MCTP1: variants seen among roughly 807,000 people sequenced by gnomAD.
The protein encoded by MCTP1 is multiple C2 and transmembrane domain-containing protein 1.
MCTP1 carries 69 observed loss-of-function variants against 120.6 expected under a neutral mutation model. The ratio of observed to expected loss-of-function variants is 0.57; its 90% CI spans 0.47 to 0.70. The LOEUF (loss-of-function observed/expected upper bound fraction) is 0.70, where lower values mean the gene tolerates loss of function less well. MCTP1 is among the 30% of genes least tolerant of loss of function. The pLI is 0.00. For missense variants in MCTP1, 1,203 were observed against 1,248.8 expected (o/e 0.96, Z 0.55); for synonymous variants, 529 against 493.1 (o/e 1.07, Z -0.96).
chr5:94,926,225 C>G (rs1272221623), intron 6 of MCTP1, among the ~76,000 whole-genome samples: 1 of 152,124 alleles, frequency 6.6e-6, no homozygotes, highest in African/African-American at 2.4e-5. Context: ...ATAACACATA[C>G]TATTACAAAC....
At chr5:95,047,160 A>G (rs964736213) in intron 1 of MCTP1, among the ~76,000 whole-genome samples, 1 of 152,290 alleles carries the variant, frequency 6.6e-6, no homozygotes, top group Non-Finnish European at 1.5e-5. Flanking sequence ...CAACAAGCAC[A>G]TGAAAGTAGA....
chr5:95,206,460 A>G (rs1240833110), intron 1 of MCTP1, among the ~76,000 whole-genome samples: 1 of 152,086 alleles, frequency 6.6e-6, no homozygotes, highest in African/African-American at 2.4e-5. Context: ...CTGTTATAAG[A>G]AAAAAAATTA....
intron 7 of MCTP1, among the ~76,000 whole-genome samples, chr5:94,922,935 G>C (rs1245249406): frequency 1.4e-5 from 2 of 147,370 alleles, no homozygotes; most frequent in Non-Finnish European, 3.0e-5. Context: ...AGTGAAGGCA[G>C]CCAAACAGTA....
intron 3 of MCTP1, among the ~76,000 whole-genome samples, chr5:94,943,682 A>G (rs1372954603): frequency 2.6e-5 from 4 of 152,084 alleles, no homozygotes; most frequent in African/African-American, 9.7e-5. Context: ...CACATAGATG[A>G]TATGTGGTTA....
At chr5:94,729,649 A>G (rs1197110856) in intron 19 of MCTP1, among the ~76,000 whole-genome samples, 1 of 152,222 alleles carries the variant, frequency 6.6e-6, no homozygotes, top group Non-Finnish European at 1.5e-5. Flanking sequence ...GATAACAATG[A>G]TGGGAAGGAA....
At chr5:94,787,731 C>T (rs1483944262) in intron 18 of MCTP1, among the ~76,000 whole-genome samples, 1 of 152,104 alleles carries the variant, frequency 6.6e-6, no homozygotes, top group Non-Finnish European at 1.5e-5. Context: ...ATTCTCCTGC[C>T]TCAGCCTTCC....
chr5:94,813,310 A>T (rs2153073659), intron 17 of MCTP1, among the ~76,000 whole-genome samples: 1 of 152,344 alleles, frequency 6.6e-6, no homozygotes, highest in South Asian at 2.1e-4. Flanking sequence ...CAGGACAGAA[A>T]GCACTAAATG....
intron 2 of MCTP1, among the ~76,000 whole-genome samples, chr5:94,974,507 C>T (rs1014217939): frequency 6.6e-6 from 1 of 151,866 alleles, no homozygotes; most frequent in Admixed American, 6.6e-5. Context: ...TCTCATTGTG[C>T]CACTGTACTC....
chr5:94,824,194 C>T (rs1786377504), intron 17 of MCTP1, among the ~76,000 whole-genome samples: 1 of 152,112 alleles, frequency 6.6e-6, no homozygotes, highest in African/African-American at 2.4e-5. Flanking sequence ...TCATAAATAG[C>T]TCTTATTATT....
intron 1 of MCTP1, among the ~76,000 whole-genome samples, chr5:95,237,810 T>C (rs987830916): frequency 1.1e-4 from 16 of 152,162 alleles, no homozygotes; most frequent in African/African-American, 3.9e-4. Context: ...CTTGTAGAGA[T>C]TGGAATGGGC....
chr5:95,184,226 A>T (rs912192787), intron 1 of MCTP1, among the ~76,000 whole-genome samples: 1 of 152,194 alleles, frequency 6.6e-6, no homozygotes, highest in Non-Finnish European at 1.5e-5. Context: ...AAAGGTATAG[A>T]ATCTCCAACT....
chr5:94,812,305 T>G (rs1259870710), intron 17 of MCTP1, among the ~76,000 whole-genome samples: 1 of 152,146 alleles, frequency 6.6e-6, no homozygotes, highest in Non-Finnish European at 1.5e-5. Flanking sequence ...ATCTTTTAAA[T>G]TATTCACAAG....
chr5:95,161,413 T>A (rs764247284), intron 1 of MCTP1, among the ~76,000 whole-genome samples: 7 of 151,904 alleles, frequency 4.6e-5, no homozygotes, highest in Non-Finnish European at 7.4e-5. Context: ...AAGTAGAGAA[T>A]AGAATGGTAG....
chr5:94,997,589 C>T (rs1832855646), intron 2 of MCTP1, among the ~76,000 whole-genome samples: 1 of 152,172 alleles, frequency 6.6e-6, no homozygotes, highest in Admixed American at 6.6e-5. Context: ...GCATGTCAGT[C>T]ATGACTCTTT....
chr5:95,140,693 TAAAAAAAAAAAAAAAAAAAAA>T (rs35248317), intron 1 of MCTP1, among the ~76,000 whole-genome samples: 1 of 27,596 alleles, frequency 3.6e-5, no homozygotes, highest in Non-Finnish European at 7.1e-5. Flanking sequence ...CTGTCCCTAC[TAAAAAAAAAAAAAAAAAAAAA>T]AAAAAAAAAA....
intron 1 of MCTP1, among the ~76,000 whole-genome samples, chr5:95,075,746 C>G (rs1753382263): frequency 6.6e-6 from 1 of 152,176 alleles, no homozygotes. Flanking sequence ...GTTTCTACCC[C>G]TTAGAAAACT....
chr5:95,256,557 G>C (rs544114398), intron 1 of MCTP1, among the ~76,000 whole-genome samples: 10 of 152,314 alleles, frequency 6.6e-5, no homozygotes, highest in Non-Finnish European at 1.3e-4. Context: ...TAATAGTGAC[G>C]TCCTGCTGTT....
chr5:95,219,290 G>A (rs1277395725), intron 1 of MCTP1, among the ~76,000 whole-genome samples: 1 of 150,876 alleles, frequency 6.6e-6, no homozygotes, highest in Non-Finnish European at 1.5e-5. Flanking sequence ...GCTGAGGCAG[G>A]AGAATGGCGT....
intron 18 of MCTP1, among the ~76,000 whole-genome samples, chr5:94,795,107 T>A (rs1779726371): frequency 6.6e-6 from 1 of 152,144 alleles, no homozygotes; most frequent in Non-Finnish European, 1.5e-5. Flanking sequence ...ACTTACAGGG[T>A]GTGCAATAGA....
Sources: gnomAD v4.1 joint callset for allele counts (sites outside exome capture counted in the v4.1 genomes callset) on GRCh38, gnomAD v4.1.1 for gene constraint, MANE v1.5 for transcripts, NCBI Gene and HGNC (gene_info 2026-07-23, HGNC 2026-07-21) for gene names.